Variants in ATP6V0E1 observed in about 807,000 individuals in gnomAD.
ATP6V0E1 encodes V-type proton ATPase subunit e 1.
In ATP6V0E1, 4 loss-of-function variants were observed where a neutral mutation model predicts 11.6. That is an observed-to-expected ratio of 0.35 (90% CI 0.17 to 0.79). The LOEUF is 0.79. Ranked by LOEUF, ATP6V0E1 falls within the 30% of genes least tolerant of loss-of-function variation. ATP6V0E1 has a pLI of 0.54. For synonymous variants in ATP6V0E1, 36 were observed against 34.8 expected (o/e 1.04, Z -0.13); for missense variants, 105 against 100.0 (o/e 1.05, Z -0.21).
At chr5:173,027,607 T>C (rs1756583929) in intron 3 of ATP6V0E1, among the ~76,000 whole-genome samples, 1 of 151,728 alleles carries the variant, frequency 6.6e-6, no homozygotes. Flanking sequence ...TATACGTACG[T>C]GTGGGTTTTT....
chr5:173,028,607 A>G (rs1213566207), intron 3 of ATP6V0E1, among the ~76,000 whole-genome samples: 1 of 152,252 alleles, frequency 6.6e-6, no homozygotes, highest in Non-Finnish European at 1.5e-5. Flanking sequence ...CGTTAAATAC[A>G]TAGCCGATCT....
intron 3 of ATP6V0E1, among the ~76,000 whole-genome samples, chr5:173,025,927 G>GGC (rs560361946): frequency 1.3e-5 from 2 of 152,264 alleles, no homozygotes; most frequent in South Asian, 4.1e-4. Context: ...GGTGCGGTGA[G>GGC]GCAGAAGGAT....
At chr5:173,027,691 C>T (rs1283528523) in intron 3 of ATP6V0E1, among the ~76,000 whole-genome samples, 5 of 152,016 alleles carry the variant, frequency 3.3e-5, no homozygotes, top group African/African-American at 1.2e-4. Context: ...TGGCCTCAAG[C>T]GATCCTCCCA....
chr5:173,023,929 G>A (rs1756519250), intron 3 of ATP6V0E1, among the ~76,000 whole-genome samples: 1 of 152,090 alleles, frequency 6.6e-6, no homozygotes, highest in Non-Finnish European at 1.5e-5. Context: ...CGGGCACGGT[G>A]GCTCACCCCT....
intron 3 of ATP6V0E1, among the ~76,000 whole-genome samples, chr5:173,021,190 G>C (rs145863161): frequency 1.4e-4 from 22 of 152,100 alleles, no homozygotes; most frequent in Admixed American, 4.6e-4. Context: ...GAGGTGCCAG[G>C]CTCCTTTAAA....
At chr5:172,992,860 C>T (rs1756007434) in intron 1 of ATP6V0E1, among the ~76,000 whole-genome samples, 1 of 152,038 alleles carries the variant, frequency 6.6e-6, no homozygotes, top group African/African-American at 2.4e-5. Context: ...TGCAATAGCG[C>T]AATCTCGGCT....
chr5:173,013,180 G>T (rs1287090243), intron 2 of ATP6V0E1, among the ~76,000 whole-genome samples: 1 of 150,276 alleles, frequency 6.7e-6, no homozygotes, highest in Non-Finnish European at 1.5e-5. Flanking sequence ...AGACACTTGT[G>T]TTAAAAAAAA....
chr5:172,991,619 G>C (rs1482223447), intron 1 of ATP6V0E1, among the ~76,000 whole-genome samples: 1 of 152,040 alleles, frequency 6.6e-6, no homozygotes, highest in Non-Finnish European at 1.5e-5. Context: ...TGGGTGGAGG[G>C]AGTCAGTTAC....
intron 3 of ATP6V0E1, among the ~76,000 whole-genome samples, chr5:173,024,805 A>G (rs923258589): frequency 6.6e-6 from 1 of 151,590 alleles, no homozygotes; most frequent in Non-Finnish European, 1.5e-5. Flanking sequence ...TTCAAATATA[A>G]CATTACAGAG....
rs13017 is a variant in ATP6V0E1, at chr5:173,034,608, G to A, written c.*246G>A. ...CTGAACTGTGCCGACTCCACAAAACGATTATGTACTCTTCTGAGATAGAAG... is the reference window on the plus strand; with the variant it reads ...CTGAACTGTGCCGACTCCACAAAACAATTATGTACTCTTCTGAGATAGAAG... On this transcript the variant is annotated 3_prime_UTR_variant, in exon 4 of 4. Transcript: ENST00000519374. The A allele has an allele frequency of 3.3e-6, 2 of 599,652 alleles. No individual in the cohort carries two copies. Among genetic ancestry groups the A allele is most frequent in the Non-Finnish European group, 6.1e-6 (2 of 330,396 alleles). 37.1% of individuals were successfully genotyped at this position (599,652 alleles called of 1,614,324 possible).
chr5:173,013,664 A>AT (rs879394994), intron 2 of ATP6V0E1, among the ~76,000 whole-genome samples: 3 of 152,124 alleles, frequency 2.0e-5, no homozygotes, highest in Non-Finnish European at 2.9e-5. Flanking sequence ...GATCCAGAAT[A>AT]TATAAGGACC....
chr5:173,005,676 C>T (rs893580870), intron 2 of ATP6V0E1, among the ~76,000 whole-genome samples: 1 of 152,066 alleles, frequency 6.6e-6, no homozygotes, highest in Admixed American at 6.6e-5. Flanking sequence ...GACATCTGCA[C>T]GTTATTATTT....
At chr5:173,012,468 C>T (rs114055568) in intron 2 of ATP6V0E1, among the ~76,000 whole-genome samples, 234 of 152,044 alleles carry the variant, frequency 1.5e-3, no homozygotes, top group African/African-American at 5.3e-3. Flanking sequence ...AAGATTTAAA[C>T]GAGGCCGGGC....
chr5:173,027,942 A>G (rs932751594), intron 3 of ATP6V0E1, among the ~76,000 whole-genome samples: 2 of 152,062 alleles, frequency 1.3e-5, no homozygotes, highest in African/African-American at 4.8e-5. Flanking sequence ...TTCCATGATA[A>G]TGAGAGAATT....
At chr5:172,987,668 CTT>C (rs1269086514) in intron 1 of ATP6V0E1, among the ~76,000 whole-genome samples, 1 of 151,948 alleles carries the variant, frequency 6.6e-6, no homozygotes, top group Non-Finnish European at 1.5e-5. Flanking sequence ...TAAGAGTAAA[CTT>C]TTGAAAACAA....
At chr5:173,017,259 C>A (rs543906551) in intron 2 of ATP6V0E1, among the ~76,000 whole-genome samples, 2 of 152,166 alleles carry the variant, frequency 1.3e-5, no homozygotes, top group African/African-American at 4.8e-5. Flanking sequence ...CCCTGCTGGG[C>A]GTGGTGGCTC....
At chr5:173,022,449 G>A (rs944376294) in intron 3 of ATP6V0E1, among the ~76,000 whole-genome samples, 1 of 152,142 alleles carries the variant, frequency 6.6e-6, no homozygotes, top group African/African-American at 2.4e-5. Context: ...ATGGCAAATG[G>A]TGATTTGCTG....
At chr5:173,021,957 C>G (rs182740190) in intron 3 of ATP6V0E1, among the ~76,000 whole-genome samples, 2 of 152,168 alleles carry the variant, frequency 1.3e-5, no homozygotes, top group African/African-American at 4.8e-5. Flanking sequence ...ATGGCTTGAA[C>G]CCAGGAGGCA....
rs1755844781 is a variant in ATP6V0E1, at chr5:172,984,049, G to A, written c.104+85G>A. The A allele has an allele frequency of 1.9e-5, 25 of 1,326,880 alleles. No homozygotes were observed. The South Asian group carries it at 2.8e-4, about 15-fold the overall frequency. The allele number at this position is 1,326,880 out of a possible 1,614,324, so 82.2% of individuals were successfully genotyped here. On this transcript the variant is annotated intron_variant, in intron 1 of 3. Transcript: ENST00000519374. ...GGGGAAAGGCACGACCCCCACACGG[G>A]TCAGAGAACGTTGCATGGGCGCCCC... is the stretch of plus-strand genomic sequence containing the variant.
Sources: allele counts gnomAD v4.1 joint callset (sites outside exome capture counted in the v4.1 genomes callset), GRCh38; gene constraint gnomAD v4.1.1; transcripts MANE v1.5; gene names NCBI Gene and HGNC (gene_info 2026-07-23, HGNC 2026-07-21).